The following PALM2AKAP2 variants were observed in gnomAD, a reference collection of about 807,000 sequenced individuals.
The protein encoded by PALM2AKAP2 is PALM2 and AKAP2 fusion, also known as PALM2-AKAP2 fusion protein.
A neutral mutation model predicts 71.5 loss-of-function variants in PALM2AKAP2; 37 were observed. That is an observed-to-expected ratio of 0.52 (90% CI 0.40 to 0.68). The LOEUF (loss-of-function observed/expected upper bound fraction) is 0.68, where lower values mean the gene tolerates loss of function less well. Among genes scored for constraint, PALM2AKAP2 ranks in the 30% least tolerant of loss-of-function variants. The pLI is 0.00. For synonymous variants in PALM2AKAP2, 468 were observed against 478.8 expected, an observed-to-expected ratio of 0.98 and a Z score of 0.29; for missense variants, 1,224 against 1,191.8, an observed-to-expected ratio of 1.03 and a Z score of -0.40.
chr9:109,645,789 A>G (rs1827143017), intron 1 of PALM2AKAP2, among the ~76,000 whole-genome samples: 1 of 152,156 alleles, frequency 6.6e-6, no homozygotes, highest in Admixed American at 6.5e-5. Context: ...TTGAAAAATT[A>G]CCTATTGAGT....
chr9:109,731,008 G>A (rs189040638), intron 1 of PALM2AKAP2, among the ~76,000 whole-genome samples: 4 of 152,176 alleles, frequency 2.6e-5, no homozygotes, highest in Admixed American at 2.6e-4. Context: ...CTTTCCAACC[G>A]GGGACTGTCA....
At chr9:109,720,102 C>T (rs545988420) in intron 1 of PALM2AKAP2, among the ~76,000 whole-genome samples, 1 of 152,108 alleles carries the variant, frequency 6.6e-6, no homozygotes, top group African/African-American at 2.4e-5. Flanking sequence ...GATTCTCCTG[C>T]CTCAGCCTCC....
At chr9:110,137,055 C>T (rs1212178714) in exon 2 of PALM2AKAP2, 1 of 1,613,856 alleles carries the variant, frequency 6.2e-7, no homozygotes, top group African/African-American at 1.3e-5. Flanking sequence ...GAGAGAAGGG[C>T]ACAGCAGGAA....
At chr9:109,723,956 C>T (rs867803502) in intron 1 of PALM2AKAP2, among the ~76,000 whole-genome samples, 164 of 152,274 alleles carry the variant, frequency 1.1e-3, no homozygotes, top group African/African-American at 3.7e-3. Context: ...GAAGTTTGGA[C>T]TTTGACCTAA....
chr9:110,122,955 T>G (rs1451198494), intron 1 of PALM2AKAP2, among the ~76,000 whole-genome samples: 1 of 152,204 alleles, frequency 6.6e-6, no homozygotes, highest in African/African-American at 2.4e-5. Context: ...TGGCTCTGTT[T>G]ATGCTTTTGC....
chr9:109,728,473 A>G (rs186109237), intron 1 of PALM2AKAP2, among the ~76,000 whole-genome samples: 1 of 152,330 alleles, frequency 6.6e-6, no homozygotes, highest in East Asian at 1.9e-4. Flanking sequence ...CGAGCTGAGA[A>G]AAATCTCATC....
chr9:110,169,343 A>G (rs1836805239), exon 4 of PALM2AKAP2: 1 of 152,450 alleles, frequency 6.6e-6, no homozygotes, highest in Non-Finnish European at 1.5e-5. Flanking sequence ...GGGGGAGTAT[A>G]TACACGTATA....
intron 6 of PALM2AKAP2, among the ~76,000 whole-genome samples, chr9:109,979,239 C>T (rs866815050): frequency 2.0e-5 from 3 of 152,268 alleles, no homozygotes; most frequent in Middle Eastern, 3.4e-3. Context: ...GTGATCCGTC[C>T]ACCTCGGCCT....
At chr9:109,969,088 G>GCAAACA (rs1554731282) in intron 6 of PALM2AKAP2, among the ~76,000 whole-genome samples, 6 of 149,602 alleles carry the variant, frequency 4.0e-5, no homozygotes, top group African/African-American at 1.5e-4. Context: ...AAATGTGCGT[G>GCAAACA]CACACACACA....
intron 3 of PALM2AKAP2, among the ~76,000 whole-genome samples, chr9:109,912,667 A>G (rs994135420): frequency 6.6e-6 from 1 of 152,208 alleles, no homozygotes; most frequent in Non-Finnish European, 1.5e-5. Flanking sequence ...ATTAAGATAG[A>G]TGATAGATAG....
In PALM2AKAP2 at chr9:109,654,750, GGT is replaced by G. The variant is rs374397482; in HGVS notation, c.5+13911_5+13912del. ...TAGAGGTGCCTGTATGTATGTGTATGGTGTGTGTGTGTGTGTGTGTGTGTGTG... is the reference window on the plus strand; with the variant it reads ...TAGAGGTGCCTGTATGTATGTGTATGGTGTGTGTGTGTGTGTGTGTGTGTG... On this transcript the variant is annotated intron_variant, in intron 1 of 6. Transcript: ENST00000374531. Among the ~76,000 whole-genome samples, 435 of 147,038 alleles carry G rather than the reference GGT, an allele frequency of 3.0e-3. 1 individual carries two copies. The highest frequency in any genetic ancestry group is 7.4e-3 in the African/African-American group (293 of 39,840).
intron 6 of PALM2AKAP2, among the ~76,000 whole-genome samples, chr9:110,005,027 C>T (rs991755252): frequency 6.6e-6 from 1 of 152,240 alleles, no homozygotes. Flanking sequence ...CTTCTCTCAA[C>T]TCGTCAAAGT....
intron 1 of PALM2AKAP2, among the ~76,000 whole-genome samples, chr9:110,055,656 C>A (rs1315661100): frequency 6.6e-6 from 1 of 152,176 alleles, no homozygotes; most frequent in South Asian, 2.1e-4. Flanking sequence ...ACATTCAGAC[C>A]CTAGCAGGGA....
intron 1 of PALM2AKAP2, among the ~76,000 whole-genome samples, chr9:109,719,764 C>T (rs1828378853): frequency 1.3e-5 from 2 of 152,138 alleles, no homozygotes; most frequent in African/African-American, 2.4e-5. Context: ...AAACTATTCC[C>T]AGTTCCTCCA....
intron 3 of PALM2AKAP2, among the ~76,000 whole-genome samples, chr9:109,904,141 G>C (rs2131861867): frequency 6.6e-6 from 1 of 152,340 alleles, no homozygotes; most frequent in Middle Eastern, 3.4e-3. Flanking sequence ...CTCCATGGAG[G>C]CGGGCAGTGT....
Position 109,932,834 on chromosome 9 carries a change from C to G in PALM2AKAP2, c.496+806C>G, listed in dbSNP as rs542912596. On this transcript the variant is annotated intron_variant, in intron 6 of 9. Coordinates refer to the PALM2AKAP2 transcript ENST00000302798. ...TGACTTCAAATATGAGTATCAGATT[C>G]TGCTTTGCATATTCTAGGTAAGTGT... Among the ~76,000 whole-genome samples the G allele has an allele frequency of 5.9e-5, 9 of 152,314 alleles. No homozygotes were observed. The South Asian group carries it at 1.7e-3, about 28-fold the overall frequency.
chr9:109,769,562 G>T (rs1468591659), intron 1 of PALM2AKAP2, among the ~76,000 whole-genome samples: 4 of 152,144 alleles, frequency 2.6e-5, no homozygotes, highest in Admixed American at 6.5e-5. Flanking sequence ...TCAGATTCTG[G>T]CTAGAACTTC....
intron 1 of PALM2AKAP2, among the ~76,000 whole-genome samples, chr9:109,705,849 T>C (rs761143649): frequency 6.6e-6 from 1 of 152,218 alleles, no homozygotes; most frequent in Non-Finnish European, 1.5e-5. Flanking sequence ...ATTTGTTAAA[T>C]AGAGATAATA....
chr9:110,068,071 G>T (rs1374870700), intron 1 of PALM2AKAP2, among the ~76,000 whole-genome samples: 3 of 139,522 alleles, frequency 2.2e-5, no homozygotes, highest in African/African-American at 8.6e-5. Context: ...AGTTGTATTT[G>T]CTTATGTTCC....
Sources: gnomAD v4.1 joint callset for allele counts (sites outside exome capture counted in the v4.1 genomes callset) on GRCh38, gnomAD v4.1.1 for gene constraint, MANE v1.5 for transcripts, NCBI Gene and HGNC (gene_info 2026-07-23, HGNC 2026-07-21) for gene names.